Variants in ZNF469 observed in about 807,000 individuals in gnomAD.
The protein encoded by ZNF469 is zinc finger protein 469.
Under a neutral mutation model 1.0 loss-of-function variants are expected in ZNF469, and 1 was observed. The observed-to-expected ratio is 1.00, with a 90% CI of 0.35 to 4.73. ZNF469 has a LOEUF of 4.73. Among genes scored for constraint, ZNF469 ranks in the 30% most tolerant of loss-of-function variants. The pLI, the probability that ZNF469 is intolerant of heterozygous loss-of-function variation, is 0.16. For synonymous variants in ZNF469, 2,703 were observed against 2,363.4 expected, an observed-to-expected ratio of 1.14 and a Z score of -4.17; for missense variants, 6,100 against 5,356.3, an observed-to-expected ratio of 1.14 and a Z score of -4.33.
intron 1 of ZNF469, among the ~76,000 whole-genome samples, chr16:88,403,405 GT>G (rs1293899752): frequency 1.3e-5 from 2 of 152,240 alleles, no homozygotes; most frequent in Non-Finnish European, 2.9e-5. Context: ...ACAGGATCTT[GT>G]TTGGACAGTG....
At chr16:88,409,622 C>A (rs560572658) in intron 1 of ZNF469, among the ~76,000 whole-genome samples, 1 of 152,194 alleles carries the variant, frequency 6.6e-6, no homozygotes, top group African/African-American at 2.4e-5. Flanking sequence ...CGTGTGCACC[C>A]CATGCACATA....
At chr16:88,350,701 T>G in the ZNF469 span, among the ~76,000 whole-genome samples, 4 of 152,168 alleles carry the variant, frequency 2.6e-5, no homozygotes, top group African/African-American at 9.7e-5. Context: ...ACCAAGCTCC[T>G]CAATGCTGAG....
At chr16:88,112,772 C>CTTTTTTTT in the ZNF469 span, among the ~76,000 whole-genome samples, 119 of 73,470 alleles carry the variant, frequency 1.6e-3, no homozygotes, top group South Asian at 2.8e-3. Context: ...TGTGCAGAAG[C>CTTTTTTTT]TTTTTTTTTT....
At chr16:88,407,250 G>A (rs1043746112) in intron 1 of ZNF469, among the ~76,000 whole-genome samples, 2 of 152,236 alleles carry the variant, frequency 1.3e-5, no homozygotes, top group Non-Finnish European at 2.9e-5. Flanking sequence ...ACTGGGAATT[G>A]TCTCAGCTGC....
At position 88,428,100 on chromosome 16, in the gene ZNF469, C is replaced by G. The variant is rs1436593955; in HGVS notation, c.630C>G (p.Pro210=). 2 of 1,549,782 alleles carry G rather than the reference C, an allele frequency of 1.3e-6. No individual in the cohort carries two copies. Among genetic ancestry groups the G allele is most frequent in the East Asian group, 4.9e-5 (2 of 40,894 alleles). ...CCCCCAGGCCCCCAGCCCCGGGGCC[C>G]CCCCAGAGCAGGGGCACCAGCCCCC... ...SATPRPPAPG[P]PQSRGTSPLQ... Residue 210 remains proline, a synonymous_variant, in exon 3 of 3, where the codon CCC becomes CCG. Coordinates refer to ENST00000565624, the MANE Select transcript of ZNF469 (RefSeq NM_001367624.2).
At chr16:88,233,179 G>T in the ZNF469 span, among the ~76,000 whole-genome samples, 2 of 152,338 alleles carry the variant, frequency 1.3e-5, no homozygotes, top group East Asian at 3.9e-4. Flanking sequence ...GGCCTGGTGA[G>T]AAAGAGGCTG....
chr16:88,198,278 GA>G, the ZNF469 span, among the ~76,000 whole-genome samples: 6 of 152,230 alleles, frequency 3.9e-5, no homozygotes, highest in Admixed American at 2.6e-4. Flanking sequence ...TTCTGTCTCA[GA>G]TGTGGAGGTC....
chr16:88,321,306 C>A, the ZNF469 span, among the ~76,000 whole-genome samples: 11 of 152,288 alleles, frequency 7.2e-5, no homozygotes, highest in Admixed American at 7.2e-4. Flanking sequence ...CAGAATCCAC[C>A]ATCCCAGGGA....
the ZNF469 span, among the ~76,000 whole-genome samples, chr16:88,377,455 C>T: frequency 6.6e-6 from 1 of 152,220 alleles, no homozygotes; most frequent in Non-Finnish European, 1.5e-5. Context: ...TGCAGGACGC[C>T]CTCGAGGCCA....
At chr16:88,410,663 C>A (rs1490183259) in intron 1 of ZNF469, among the ~76,000 whole-genome samples, 1 of 148,978 alleles carries the variant, frequency 6.7e-6, no homozygotes, top group African/African-American at 2.5e-5. Flanking sequence ...TGGTGCAAGT[C>A]ACGTGGTCAT....
the ZNF469 span, among the ~76,000 whole-genome samples, chr16:88,318,595 G>A: frequency 6.6e-6 from 1 of 152,254 alleles, no homozygotes; most frequent in Non-Finnish European, 1.5e-5. Flanking sequence ...ACCATTTTCT[G>A]GGTTCTGTTG....
At chr16:88,212,368 G>C in the ZNF469 span, among the ~76,000 whole-genome samples, 3 of 151,950 alleles carry the variant, frequency 2.0e-5, no homozygotes, top group African/African-American at 7.3e-5. Context: ...CCTTTCTTCT[G>C]TTTCAACCAC....
the ZNF469 span, among the ~76,000 whole-genome samples, chr16:88,345,373 C>T: frequency 9.2e-5 from 14 of 152,208 alleles, no homozygotes; most frequent in Non-Finnish European, 1.6e-4. Flanking sequence ...TTTAATTGTA[C>T]CTAATTTCAA....
rs1370900484 is a variant in ZNF469, at chr16:88,438,602, T to C, written c.11132T>C (p.Leu3711Pro). 6.5e-7 allele frequency: 1 copy of C among 1,549,874 alleles called. No individual in the cohort carries two copies. Among genetic ancestry groups the C allele is most frequent in the Admixed American group, 2.0e-5 (1 of 50,976 alleles). ...GTGGGGAGCCTGGCACCCGGGGAGC[T>C]GGCCCGTGGCACAGAGAATGGGATG... ...KAVGSLAPGE[L>P]ARGTENGMKP... The change falls in exon 3 of 3, where the codon CTG (leucine) becomes CCG (proline). Residue 3711 changes from leucine (L) to proline (P), a missense_variant. Coordinates refer to ENST00000565624, the MANE Select transcript of ZNF469 (RefSeq NM_001367624.2).
the ZNF469 span, among the ~76,000 whole-genome samples, chr16:88,157,148 A>T: frequency 6.6e-6 from 1 of 151,574 alleles, no homozygotes; most frequent in Non-Finnish European, 1.5e-5. Flanking sequence ...GCACCAGGGC[A>T]CACAGGCAGC....
At position 88,434,218 on chromosome 16, in the gene ZNF469, T is replaced by G. The variant is rs1597211543; in HGVS notation, c.6748T>G (p.Leu2250Val). The G allele has an allele frequency of 6.5e-7, 1 of 1,550,200 alleles. No homozygotes were observed. The highest frequency in any genetic ancestry group is 1.4e-5 in the African/African-American group (1 of 73,022). Residue 2250 changes from leucine (L) to valine (V), a missense_variant, in exon 3 of 3, where the codon TTA becomes GTA. By Grantham distance (32) the Leu-to-Val change is conservative. Transcript: ENST00000565624. ...HSGDTPKDST[L>V]RIPEDSRKEK... The stretch of plus-strand genomic sequence containing the variant: ...TGGGGACACCCCCAAAGACAGCACT[T>G]TAAGAATTCCAGAGGATTCCAGAAA...
the ZNF469 span, among the ~76,000 whole-genome samples, chr16:88,169,282 TG>T: frequency 6.6e-6 from 1 of 152,348 alleles, no homozygotes; most frequent in East Asian, 1.9e-4. This position sits in a 1 kb window ranked among gnomAD's most constrained non-coding sequence, Gnocchi z 6.1. Context: ...TTTCAATTGC[TG>T]CTCTCTGAGT....
At chr16:88,366,198 C>T in the ZNF469 span, among the ~76,000 whole-genome samples, 1 of 148,580 alleles carries the variant, frequency 6.7e-6, no homozygotes, top group African/African-American at 2.5e-5. Flanking sequence ...TAACCATTTT[C>T]ATCATCATCA....
At chr16:88,134,402 G>C in the ZNF469 span, among the ~76,000 whole-genome samples, 2 of 152,240 alleles carry the variant, frequency 1.3e-5, no homozygotes, top group African/African-American at 4.8e-5. Flanking sequence ...GGAGGACGGA[G>C]AGGTCTGCGT....
Sources: allele counts gnomAD v4.1 joint callset (sites outside exome capture counted in the v4.1 genomes callset), GRCh38; gene constraint gnomAD v4.1.1; non-coding constraint Gnocchi (gnomAD v3.1); transcripts MANE v1.5; gene names NCBI Gene and HGNC (gene_info 2026-07-23, HGNC 2026-07-21).